Variants in LARGE1 observed in about 807,000 individuals in gnomAD.
LARGE1 encodes LARGE xylosyl- and glucuronyltransferase 1.
Under a neutral mutation model 87.6 loss-of-function variants are expected in LARGE1, and 43 were observed. The ratio of observed to expected loss-of-function variants is 0.49; its 90% CI spans 0.38 to 0.63. The LOEUF is 0.63. LARGE1 is among the 30% of genes least tolerant of loss of function. The pLI is 0.00. For missense variants in LARGE1, 802 were observed against 1,000.2 expected (o/e 0.80, Z 2.67); for synonymous variants, 434 against 394.6 (o/e 1.10, Z -1.18).
intron 6 of LARGE1, among the ~76,000 whole-genome samples, chr22:33,537,473 T>C (rs1016220083): frequency 2.0e-5 from 3 of 152,118 alleles, no homozygotes; most frequent in African/African-American, 7.2e-5. Flanking sequence ...CTCATTCTAT[T>C]TGGGGGTCAC....
chr22:33,875,372 G>A (rs952376211), intron 1 of LARGE1, among the ~76,000 whole-genome samples: 2 of 152,212 alleles, frequency 1.3e-5, no homozygotes, highest in Non-Finnish European at 2.9e-5. Flanking sequence ...AAATCTCTCT[G>A]TGGCCAGGGC....
chr22:33,069,816 C>CTTTTTTT, the LARGE1 span, among the ~76,000 whole-genome samples: 1 of 126,778 alleles, frequency 7.9e-6, no homozygotes, highest in African/African-American at 2.9e-5. Flanking sequence ...TTATTACATT[C>CTTTTTTT]TTTTTTTTTT....
intron 1 of LARGE1, among the ~76,000 whole-genome samples, chr22:33,801,123 C>T (rs564711972): frequency 9.1e-4 from 139 of 152,294 alleles, no homozygotes; most frequent in South Asian, 3.9e-3. Context: ...TTCCTCATTT[C>T]TCTCTTGCCG....
intron 4 of LARGE1, among the ~76,000 whole-genome samples, chr22:33,607,461 C>CAAAAAAAAAAAAAAAAA (rs1217376084): frequency 1.7e-5 from 1 of 58,034 alleles, no homozygotes; most frequent in Non-Finnish European, 3.2e-5. Flanking sequence ...AACTGCATCT[C>CAAAAAAAAAAAAAAAAA]AAAAAAAAAA....
At chr22:33,430,048 C>CTCTT (rs2067022362) in intron 7 of LARGE1, among the ~76,000 whole-genome samples, 1 of 152,186 alleles carries the variant, frequency 6.6e-6, no homozygotes, top group Admixed American at 6.5e-5. Context: ...GTCAATCAGA[C>CTCTT]TCTTGAAGGG....
chr22:33,183,163 G>A (rs139581909), intron 11 of LARGE1, among the ~76,000 whole-genome samples: 3 of 151,956 alleles, frequency 2.0e-5, no homozygotes, highest in East Asian at 1.9e-4. Context: ...GTGAAAAACT[G>A]GGCAAAGGAA....
At chr22:33,831,781 CACAT>C (rs763161021) in intron 1 of LARGE1, among the ~76,000 whole-genome samples, 125 of 145,186 alleles carry the variant, frequency 8.6e-4, no homozygotes, top group Middle Eastern at 3.6e-3. Context: ...CACACACACA[CACAT>C]ACACATACAC....
intron 5 of LARGE1, among the ~76,000 whole-genome samples, chr22:33,585,777 G>C (rs969163734): frequency 6.6e-6 from 1 of 152,186 alleles, no homozygotes; most frequent in East Asian, 1.9e-4. Flanking sequence ...ATGCAGGGAG[G>C]AATCACTGTA....
At chr22:33,601,834 C>A (rs969681235) in intron 5 of LARGE1, among the ~76,000 whole-genome samples, 1 of 152,036 alleles carries the variant, frequency 6.6e-6, no homozygotes, top group Non-Finnish European at 1.5e-5. Context: ...GTATTTATTT[C>A]GGATGTATAT....
At chr22:33,274,716 G>C in intron 14 of LARGE1, 92 bp from the exon 15 acceptor site, 1 of 1,137,464 alleles carries the variant, frequency 8.8e-7, no homozygotes, top group South Asian at 1.3e-5. Flanking sequence ...GCTAGTGAAT[G>C]AATGACTTGA....
At chr22:33,530,621 G>C (rs1445873897) in intron 6 of LARGE1, among the ~76,000 whole-genome samples, 1 of 152,122 alleles carries the variant, frequency 6.6e-6, no homozygotes, top group Non-Finnish European at 1.5e-5. Context: ...AGCTCACCTA[G>C]GCATTTAGAA....
At chr22:33,886,740 AAAC>A (rs1487495489) in intron 1 of LARGE1, among the ~76,000 whole-genome samples, 2 of 151,862 alleles carry the variant, frequency 1.3e-5, no homozygotes, top group Non-Finnish European at 2.9e-5. Context: ...GAGAAGAGAA[AAAC>A]ATGTAAGACA....
At chr22:33,421,852 G>A (rs183902417) in intron 7 of LARGE1, among the ~76,000 whole-genome samples, 1 of 152,346 alleles carries the variant, frequency 6.6e-6, no homozygotes, top group East Asian at 1.9e-4. Context: ...GCAGGTGGAA[G>A]AGGGAGTAGG....
chr22:33,254,614 C>A (rs1179147643), intron 11 of LARGE1, among the ~76,000 whole-genome samples: 1 of 152,188 alleles, frequency 6.6e-6, no homozygotes, highest in African/African-American at 2.4e-5. Flanking sequence ...GCTGTGTGAC[C>A]CTGAGCAAGT....
intron 9 of LARGE1, among the ~76,000 whole-genome samples, chr22:33,344,405 AC>A (rs1939507698): frequency 5.3e-5 from 8 of 152,104 alleles, no homozygotes; most frequent in Admixed American, 2.0e-4. Context: ...GTATCACAAA[AC>A]TGTCCATTTT....
intron 1 of LARGE1, among the ~76,000 whole-genome samples, chr22:33,849,698 A>C (rs1232662326): frequency 6.9e-6 from 1 of 145,238 alleles, no homozygotes; most frequent in African/African-American, 2.6e-5. Context: ...TCCCAGGTTC[A>C]AGCAATTCTC....
intron 7 of LARGE1, among the ~76,000 whole-genome samples, chr22:33,387,944 C>G (rs2065386656): frequency 6.6e-6 from 1 of 152,138 alleles, no homozygotes; most frequent in South Asian, 2.1e-4. Flanking sequence ...CTCATTCTAC[C>G]TCCTCTCTTC....
At chr22:33,661,032 A>G (rs2081107499) in intron 2 of LARGE1, among the ~76,000 whole-genome samples, 1 of 152,082 alleles carries the variant, frequency 6.6e-6, no homozygotes, top group South Asian at 2.1e-4. Flanking sequence ...TTGTAGCTAA[A>G]ATCTTGTTCA....
At chr22:33,481,185 A>G (rs2069306424) in intron 6 of LARGE1, among the ~76,000 whole-genome samples, 1 of 150,704 alleles carries the variant, frequency 6.6e-6, no homozygotes, top group African/African-American at 2.4e-5. Flanking sequence ...AAGTATTTAC[A>G]TTTTTCATAC....
Sources: allele counts gnomAD v4.1 joint callset (sites outside exome capture counted in the v4.1 genomes callset), GRCh38; gene constraint gnomAD v4.1.1; transcripts MANE v1.5; gene names NCBI Gene and HGNC (gene_info 2026-07-23, HGNC 2026-07-21).